Variants in SKOR2 observed in about 807,000 individuals in gnomAD.
SKOR2 encodes the protein LBX1 corepressor 1-like protein.
SKOR2 carries 47 observed loss-of-function variants against 69.1 expected under a neutral mutation model. The ratio of observed to expected loss-of-function variants is 0.68; its 90% CI spans 0.54 to 0.87. SKOR2 has a LOEUF of 0.87. SKOR2 is among the 40% of genes least tolerant of loss of function. SKOR2 has a pLI of 0.00. For missense variants in SKOR2, 1,404 were observed against 1,472.2 expected (o/e 0.95, Z 0.76); for synonymous variants, 717 against 672.6 (o/e 1.07, Z -1.02).
At position 47,230,612 on chromosome 18, in the gene SKOR2, A is replaced by C. The variant is rs2064194059; in HGVS notation, c.2819-55T>G. On this transcript the variant is annotated intron_variant, in intron 5 of 8. Coordinates refer to ENST00000425639, the MANE Select transcript of SKOR2 (RefSeq NM_001278063.4). ...AATCTTTACAAATAACTCTCCAGAG[A>C]ACTGTTATATATGGCAATTTATTAT... 3 of 1,133,694 alleles carry C rather than the reference A, an allele frequency of 2.6e-6. No individual in the cohort carries two copies. The African/African-American group carries it at 4.7e-5, about 18-fold the overall frequency. 70.2% of individuals were successfully genotyped at this position (1,133,694 alleles called of 1,614,324 possible).
intron 7 of SKOR2, among the ~76,000 whole-genome samples, chr18:47,214,428 A>G (rs2064137509): frequency 6.6e-6 from 1 of 152,164 alleles, no homozygotes. Context: ...TAGAATGTTG[A>G]TTTTTTCATT....
intron 4 of SKOR2, among the ~76,000 whole-genome samples, chr18:47,239,763 T>G (rs1403829799): frequency 2.0e-5 from 3 of 152,198 alleles, no homozygotes; most frequent in Non-Finnish European, 2.9e-5. Flanking sequence ...AGGAAACTAT[T>G]TAATTTTGAA....
rs2064295884 is a variant in SKOR2 at position 47,248,577 on chromosome 18, C to A, written c.607G>T (p.Ala203Ser). 1 of 1,538,898 alleles carries A rather than the reference C, an allele frequency of 6.5e-7. No homozygotes were observed. Among genetic ancestry groups the A allele is most frequent in the Non-Finnish European group, 8.7e-7 (1 of 1,147,602 alleles). ...TPDAKYTQPD[A>S]ANFNSWRRHL... ...CGGCGCCACGAGTTGAAGTTGGCTG[C>A]GTCTGGCTGAGTGTACTTGGCGTCG... is the stretch of plus-strand genomic sequence containing the variant. The change falls in exon 2 of 9, where the codon GCA becomes TCA. Residue 203 changes from alanine (A) to serine (S), a missense_variant. Coordinates refer to ENST00000425639, the MANE Select transcript of SKOR2 (RefSeq NM_001278063.4). This position sits in a 1 kb window ranked among gnomAD's most constrained non-coding sequence, Gnocchi z 6.4.
chr18:47,230,456 TACTG>T lies in SKOR2; in HGVS notation c.2916_2917+2del, dbSNP rs1261934261. ...ATACAATGAAATAAAAGTGATTTCT[TACTG>T]AATACTGGGAAAGATGTGTTTCCTT... On this transcript the variant is annotated splice_donor_variant and coding_sequence_variant, in exon 6 of 9. Coordinates refer to ENST00000425639, the MANE Select transcript of SKOR2 (RefSeq NM_001278063.4). LOFTEE classifies it high-confidence loss of function. 1 of 1,391,356 alleles carries T rather than the reference TACTG, an allele frequency of 7.2e-7. No individual in the cohort carries two copies. Among genetic ancestry groups the T allele is most frequent in the Non-Finnish European group, 9.3e-7 (1 of 1,073,236 alleles). The allele number at this position is 1,391,356 out of a possible 1,614,324, so 86.2% of individuals were successfully genotyped here.
chr18:47,249,619 T>C (rs2064304030), intron 1 of SKOR2, among the ~76,000 whole-genome samples: 2 of 152,360 alleles, frequency 1.3e-5, no homozygotes, highest in Admixed American at 6.5e-5. Flanking sequence ...AAACTGGGGC[T>C]TGGCCATTGA....
chr18:47,230,723 T>C (rs1390822348), intron 5 of SKOR2, among the ~76,000 whole-genome samples, 166 bp from the exon 6 acceptor site: 1 of 152,244 alleles, frequency 6.6e-6, no homozygotes, highest in Non-Finnish European at 1.5e-5. Context: ...TATAAATCAA[T>C]GTAATATATT....
intron 4 of SKOR2, among the ~76,000 whole-genome samples, chr18:47,233,266 T>C (rs2064207096): frequency 6.6e-6 from 1 of 152,178 alleles, no homozygotes; most frequent in Non-Finnish European, 1.5e-5. Flanking sequence ...AGATGTACTC[T>C]TGAACCTTGA....
At chr18:47,236,016 G>C (rs2684850) in intron 4 of SKOR2, among the ~76,000 whole-genome samples, 1 of 151,912 alleles carries the variant, frequency 6.6e-6, no homozygotes, top group African/African-American at 2.4e-5. Context: ...ACAAGTTCTC[G>C]CTCTGCCACC....
At chr18:47,226,682 T>C (rs750592542) in intron 6 of SKOR2, among the ~76,000 whole-genome samples, 1 of 152,244 alleles carries the variant, frequency 6.6e-6, no homozygotes, top group Non-Finnish European at 1.5e-5. Context: ...TGGTTTACTA[T>C]ACAGTCACTA....
chr18:47,215,264 C>CT (rs2064140416), intron 7 of SKOR2, among the ~76,000 whole-genome samples: 1 of 152,148 alleles, frequency 6.6e-6, no homozygotes, highest in African/African-American at 2.4e-5. Flanking sequence ...CAGGGATCTC[C>CT]TTTTGATGCA....
intron 6 of SKOR2, among the ~76,000 whole-genome samples, chr18:47,225,833 C>CG (rs1159873521): frequency 6.6e-6 from 1 of 151,844 alleles, no homozygotes; most frequent in East Asian, 1.9e-4. Flanking sequence ...GGAGCTGAGC[C>CG]GGGGGAGAAG....
chr18:47,219,999 C>G lies in SKOR2; in HGVS notation c.2929G>C (p.Asp977His). 1 of 1,535,242 alleles carries G rather than the reference C, an allele frequency of 6.5e-7. No homozygotes were observed. The highest frequency in any genetic ancestry group is 8.7e-7 in the Non-Finnish European group (1 of 1,146,488). ...TAGGCTAGCTCCCTTTTCATCTGAT[C>G]CTGAAAATTATCTGGTAGGAGAGAG... is the stretch of plus-strand genomic sequence containing the variant. ...TSFPVFNNFQ[D>H]QMKRELAYRE... Residue 977 changes from aspartate to histidine, a missense_variant, in exon 7 of 9, where the codon GAT becomes CAT. Physicochemically the swap from Asp to His is moderately conservative, Grantham distance 81. Around this residue, in one of 3 missense-constraint regions of SKOR2, gnomAD observed 1,266 missense variants for 1,309.9 expected, o/e 0.97. Coordinates refer to ENST00000425639, the MANE Select transcript of SKOR2 (RefSeq NM_001278063.4).
chr18:47,241,826 T>C (rs952129272), intron 4 of SKOR2, among the ~76,000 whole-genome samples: 3 of 152,132 alleles, frequency 2.0e-5, no homozygotes, highest in African/African-American at 7.2e-5. Flanking sequence ...CTTCCCAGAA[T>C]AATGTGAGAA....
intron 5 of SKOR2, 113 bp from the exon 6 acceptor site, chr18:47,230,670 T>C (rs2064194290): frequency 1.4e-6 from 1 of 720,184 alleles, no homozygotes. Context: ...GTTTAAAAAG[T>C]GTTGCATAGA....
intron 6 of SKOR2, among the ~76,000 whole-genome samples, chr18:47,222,179 G>C (rs2064163637): frequency 6.6e-6 from 1 of 151,988 alleles, no homozygotes; most frequent in Non-Finnish European, 1.5e-5. Flanking sequence ...AAAATTATCT[G>C]AGCATGGAGG....
In SKOR2 at chr18:47,242,141, A is replaced by G. The variant is rs556839081; in HGVS notation, c.2752+2767T>C. Among the ~76,000 whole-genome samples the G allele has an allele frequency of 5.3e-5, 8 of 152,230 alleles. No individual in the cohort carries two copies. In the South Asian group the frequency reaches 1.7e-3, roughly 32 times the overall value. On this transcript the variant is annotated intron_variant, in intron 4 of 8. Coordinates refer to ENST00000425639, the MANE Select transcript of SKOR2 (RefSeq NM_001278063.4). ...ATTCTTAAGGTTCTGATGGCTTGTT[A>G]GGGTTTACTAGGTCAATAAGCATGG...
At chr18:47,221,309 G>A (rs1242914113) in intron 6 of SKOR2, among the ~76,000 whole-genome samples, 2 of 152,168 alleles carry the variant, frequency 1.3e-5, no homozygotes, top group Non-Finnish European at 2.9e-5. Context: ...GAAGTATGTG[G>A]TGCCATGCAA....
chr18:47,235,907 G>A (rs992131915), intron 4 of SKOR2, among the ~76,000 whole-genome samples: 1 of 151,912 alleles, frequency 6.6e-6, no homozygotes, highest in Non-Finnish European at 1.5e-5. Context: ...GCTCCCTATG[G>A]TCTCCATCAA....
chr18:47,224,344 A>G (rs2064171590), intron 6 of SKOR2, among the ~76,000 whole-genome samples: 1 of 152,266 alleles, frequency 6.6e-6, no homozygotes, highest in Non-Finnish European at 1.5e-5. Flanking sequence ...AGGAAGTAGC[A>G]AAGAAGAGCA....
Sources: gnomAD v4.1 joint callset for allele counts (sites outside exome capture counted in the v4.1 genomes callset) on GRCh38, gnomAD v4.1.1 for gene constraint, gnomAD v4.1.1 regional missense constraint, Gnocchi (gnomAD v3.1) non-coding constraint, MANE v1.5 for transcripts, NCBI Gene and HGNC (gene_info 2026-07-23, HGNC 2026-07-21) for gene names.